HECW1: variants seen among roughly 807,000 people sequenced by gnomAD.
The protein encoded by HECW1 is HECT, C2 and WW domain containing E3 ubiquitin protein ligase 1.
A neutral mutation model predicts 182.3 loss-of-function variants in HECW1; 61 were observed. The ratio of observed to expected loss-of-function variants is 0.33; its 90% CI spans 0.27 to 0.41. The LOEUF (loss-of-function observed/expected upper bound fraction) is 0.41, where lower values mean the gene tolerates loss of function less well. HECW1 is among the 10% of genes least tolerant of loss of function. The pLI is 1.00. For missense variants in HECW1, 1,739 were observed against 2,108.9 expected (o/e 0.82, Z 3.44); for synonymous variants, 859 against 832.6 (o/e 1.03, Z -0.55).
chr7:43,239,751 A>G (rs1271548686), intron 2 of HECW1, among the ~76,000 whole-genome samples: 1 of 152,192 alleles, frequency 6.6e-6, no homozygotes, highest in East Asian at 1.9e-4. Context: ...AGTGTAAATT[A>G]TTTTTAAATA....
chr7:43,457,649 C>T (rs1288301756), intron 13 of HECW1, among the ~76,000 whole-genome samples: 1 of 151,958 alleles, frequency 6.6e-6, no homozygotes, highest in Non-Finnish European at 1.5e-5. Flanking sequence ...GTGGCAGGCA[C>T]CTGTAATCTC....
At position 43,541,868 on chromosome 7, in the gene HECW1, G is replaced by T; in HGVS notation, c.4119-1G>T. 6.6e-7 allele frequency: 1 copy of T among 1,508,698 alleles called. No homozygotes were observed. The highest frequency in any genetic ancestry group is 8.9e-7 in the Non-Finnish European group (1 of 1,129,120). 93.5% of individuals were successfully genotyped at this position (1,508,698 alleles called of 1,614,324 possible). ...TTGCCTTTCTCACTGAATTCACCCA[G>T]GCCCTGTGATTTGAGTGACCTGGAA... is the stretch of plus-strand genomic sequence containing the variant. On this transcript the variant is annotated splice_acceptor_variant, in intron 25 of 29. Transcript: ENST00000395891. LOFTEE classifies it high-confidence loss of function.
At chr7:43,509,253 C>CAG in intron 24 of HECW1, 132 bp downstream of exon 24, 1 of 817,704 alleles carries the variant, frequency 1.2e-6, no homozygotes, top group East Asian at 2.7e-5. Flanking sequence ...GAGTGAATGA[C>CAG]AGAGTCCAAG....
intron 17 of HECW1, among the ~76,000 whole-genome samples, chr7:43,482,718 C>A (rs1349506136): frequency 6.6e-6 from 1 of 152,030 alleles, no homozygotes; most frequent in Non-Finnish European, 1.5e-5. Flanking sequence ...CCAGTCTGGG[C>A]AGCATGGCAG....
intron 19 of HECW1, 57 bp downstream of exon 19, chr7:43,493,237 T>C: frequency 8.9e-7 from 1 of 1,120,390 alleles, no homozygotes; most frequent in Non-Finnish European, 1.4e-6. Flanking sequence ...TTTTTCCCGG[T>C]GGGAAAACAC....
intron 15 of HECW1, among the ~76,000 whole-genome samples, chr7:43,468,062 T>C (rs1182247935): frequency 1.3e-5 from 2 of 151,662 alleles, no homozygotes; most frequent in Non-Finnish European, 2.9e-5. Flanking sequence ...CAACCCCCCG[T>C]CTACACGTGG....
chr7:43,355,473 TA>T (rs1415343149), intron 5 of HECW1, among the ~76,000 whole-genome samples: 6 of 152,244 alleles, frequency 3.9e-5, no homozygotes, highest in South Asian at 2.1e-4. Flanking sequence ...GGCTTTTTTT[TA>T]AATTTGTTCT....
chr7:43,191,137 TTA>T (rs112134407), intron 2 of HECW1, among the ~76,000 whole-genome samples: 25 of 151,442 alleles, frequency 1.7e-4, no homozygotes, highest in African/African-American at 5.6e-4. Context: ...CACTCTTGGG[TTA>T]TATATATATA....
chr7:43,316,515 G>A (rs946233345), intron 4 of HECW1, among the ~76,000 whole-genome samples: 3 of 152,096 alleles, frequency 2.0e-5, no homozygotes, highest in Non-Finnish European at 2.9e-5. Flanking sequence ...TTTGAGGTAG[G>A]TACTTATAGT....
intron 16 of HECW1, among the ~76,000 whole-genome samples, chr7:43,477,097 CT>C (rs1211860005): frequency 6.6e-6 from 1 of 152,090 alleles, no homozygotes; most frequent in African/African-American, 2.4e-5. Flanking sequence ...AAATGTTTTT[CT>C]TTTGTAGATT....
intron 14 of HECW1, among the ~76,000 whole-genome samples, chr7:43,466,240 G>T (rs2077775108): frequency 6.6e-6 from 1 of 152,112 alleles, no homozygotes; most frequent in South Asian, 2.1e-4. Flanking sequence ...GATGTTGGAG[G>T]ACTTGAGCCT....
rs138648701 is a variant in HECW1, at chr7:43,560,655, C to A, written c.4710-1160C>A. Among the ~76,000 whole-genome samples the A allele has an allele frequency of 2.3e-4, 35 of 152,216 alleles. 1 individual carries two copies. In the East Asian group the frequency reaches 6.8e-3, roughly 29 times the overall value. On this transcript the variant is annotated intron_variant, in intron 29 of 29. Coordinates refer to ENST00000395891, the MANE Select transcript of HECW1 (RefSeq NM_015052.5). ...AACCTGAGTGCTGCATCAGCCTGGG[C>A]AGTGATCTGATACTCTGATTTATAT...
chr7:43,523,147 G>T (rs1285487505), intron 24 of HECW1: 3 of 326,228 alleles, frequency 9.2e-6, no homozygotes, highest in Non-Finnish European at 1.9e-5. Context: ...GGGATTACAG[G>T]TGTGTGCCAC....
intron 2 of HECW1, chr7:43,239,218 C>T (rs1371882352): frequency 1.3e-5 from 2 of 152,208 alleles, no homozygotes; most frequent in African/African-American, 4.8e-5. Context: ...TTCATCCCAC[C>T]TCTTGGGCTC....
intron 2 of HECW1, among the ~76,000 whole-genome samples, chr7:43,206,996 T>C (rs2152692723): frequency 6.6e-6 from 1 of 152,320 alleles, no homozygotes; most frequent in East Asian, 1.9e-4. Flanking sequence ...CCGAAGTCCT[T>C]TGCTGCTTTG....
intron 8 of HECW1, among the ~76,000 whole-genome samples, chr7:43,410,883 T>G (rs1414597821): frequency 6.6e-6 from 1 of 152,116 alleles, no homozygotes; most frequent in Non-Finnish European, 1.5e-5. Context: ...TGAATTGCTT[T>G]TTTTCTCTTT....
At chr7:43,215,278 G>T (rs1796341908) in intron 2 of HECW1, among the ~76,000 whole-genome samples, 1 of 152,228 alleles carries the variant, frequency 6.6e-6, no homozygotes, top group South Asian at 2.1e-4. Context: ...CACCTTGCAA[G>T]GGTCGGTTGT....
intron 8 of HECW1, among the ~76,000 whole-genome samples, chr7:43,415,028 A>T (rs2075941860): frequency 6.6e-6 from 1 of 151,968 alleles, no homozygotes; most frequent in African/African-American, 2.4e-5. Flanking sequence ...GCCCATTTAC[A>T]TTTAAAGTTA....
chr7:43,469,029 A>G lies in HECW1; in HGVS notation c.3023A>G (p.Asn1008Ser). Reference sequence around the variant, plus strand: ...TACCAGCACAACCGGGACTTGGTGAATTTCATCAACATGTTCGCAGACACT... The same window carrying G: ...TACCAGCACAACCGGGACTTGGTGAGTTTCATCAACATGTTCGCAGACACT... ...ERYQHNRDLV[N>S]FINMFADTRL... is the part of the protein sequence containing the mutation. Residue 1008 changes from asparagine (N) to serine (S), a missense_variant, in exon 16 of 30, where the codon AAT becomes AGT. Transcript: ENST00000395891. The G allele has an allele frequency of 6.2e-7, 1 of 1,614,168 alleles. No homozygotes were observed. The highest frequency in any genetic ancestry group is 1.1e-5 in the South Asian group (1 of 91,084).
Sources: allele counts gnomAD v4.1 joint callset (sites outside exome capture counted in the v4.1 genomes callset), GRCh38; gene constraint gnomAD v4.1.1; transcripts MANE v1.5; gene names NCBI Gene and HGNC (gene_info 2026-07-23, HGNC 2026-07-21).